The following ARHGAP15 variants were observed in gnomAD, a reference collection of about 807,000 sequenced individuals.
ARHGAP15 encodes rho GTPase-activating protein 15.
Under a neutral mutation model 63.7 loss-of-function variants are expected in ARHGAP15, and 51 were observed. The ratio of observed to expected loss-of-function variants is 0.80; its 90% confidence interval spans 0.64 to 1.01. The LOEUF is 1.01. ARHGAP15 is among the 50% of genes least tolerant of loss of function. The pLI is 0.00. For synonymous variants in ARHGAP15, 191 were observed against 193.8 expected (o/e 0.99, Z 0.12); for missense variants, 560 against 564.6 (o/e 0.99, Z 0.08).
intron 9 of ARHGAP15, among the ~76,000 whole-genome samples, chr2:143,505,127 A>C (rs1248523062): frequency 6.6e-6 from 1 of 152,226 alleles, no homozygotes; most frequent in African/African-American, 2.4e-5. Flanking sequence ...CATTTGCCAT[A>C]TCTCAGGAGT....
intron 2 of ARHGAP15, among the ~76,000 whole-genome samples, chr2:143,190,527 C>T (rs1039441426): frequency 1.3e-5 from 2 of 152,158 alleles, no homozygotes; most frequent in Non-Finnish European, 2.9e-5. Flanking sequence ...TTTGCAGTCT[C>T]ACACTCACCT....
chr2:143,721,207 CAGG>C (rs1685044305), intron 13 of ARHGAP15, among the ~76,000 whole-genome samples: 1 of 151,930 alleles, frequency 6.6e-6, no homozygotes, highest in Non-Finnish European at 1.5e-5. Context: ...AGACAAGAAA[CAGG>C]AGGAGGAAAG....
intron 13 of ARHGAP15, among the ~76,000 whole-genome samples, chr2:143,717,528 C>T (rs185242595): frequency 1.1e-3 from 166 of 152,318 alleles, no homozygotes; most frequent in African/African-American, 3.8e-3. Flanking sequence ...CCATTTACTC[C>T]TACATTAAAA....
intron 6 of ARHGAP15, among the ~76,000 whole-genome samples, chr2:143,393,423 C>T (rs1687620211): frequency 6.6e-6 from 1 of 151,968 alleles, no homozygotes; most frequent in South Asian, 2.1e-4. Context: ...TATGTTATTA[C>T]TTAATTGTTA....
chr2:143,628,754 C>T (rs538981507), intron 12 of ARHGAP15, among the ~76,000 whole-genome samples: 2 of 152,140 alleles, frequency 1.3e-5, no homozygotes, highest in Non-Finnish European at 2.9e-5. Flanking sequence ...TATGGGTAAC[C>T]AATTGTCTGC....
intron 9 of ARHGAP15, among the ~76,000 whole-genome samples, chr2:143,507,608 G>A (rs569780522): frequency 1.1e-3 from 174 of 152,280 alleles, no homozygotes; most frequent in African/African-American, 4.1e-3. Context: ...TCCATCTAGA[G>A]GTTGATGCTT....
chr2:143,304,590 AC>A (rs1432186164), intron 6 of ARHGAP15, among the ~76,000 whole-genome samples: 2 of 152,192 alleles, frequency 1.3e-5, no homozygotes, highest in African/African-American at 4.8e-5. Context: ...GTACCCTACA[AC>A]TTAAAGTATA....
chr2:143,618,439 G>A (rs961983443), intron 11 of ARHGAP15, among the ~76,000 whole-genome samples: 1 of 152,186 alleles, frequency 6.6e-6, no homozygotes, highest in Non-Finnish European at 1.5e-5. Flanking sequence ...TGGAAGCAGG[G>A]ACATCATCCT....
chr2:143,282,615 C>A (rs973143629), intron 6 of ARHGAP15, among the ~76,000 whole-genome samples: 5 of 143,066 alleles, frequency 3.5e-5, no homozygotes, highest in Non-Finnish European at 4.5e-5. Context: ...ATTGTGGGAG[C>A]TACAATTCAA....
chr2:143,523,216 T>C (rs1374339657), intron 10 of ARHGAP15, among the ~76,000 whole-genome samples: 5 of 152,044 alleles, frequency 3.3e-5, no homozygotes, highest in Non-Finnish European at 7.4e-5. Context: ...ACAGAGGAGA[T>C]AGACATTAAG....
At chr2:143,171,549 T>C (rs1236763183) in intron 2 of ARHGAP15, among the ~76,000 whole-genome samples, 2 of 152,104 alleles carry the variant, frequency 1.3e-5, no homozygotes, top group African/African-American at 4.8e-5. Flanking sequence ...ATTTTTTATG[T>C]ATACTAACTA....
intron 6 of ARHGAP15, among the ~76,000 whole-genome samples, chr2:143,285,697 A>AT (rs1319803267): frequency 1.3e-5 from 2 of 152,172 alleles, no homozygotes; most frequent in Non-Finnish European, 2.9e-5. Flanking sequence ...GTATCAGTTT[A>AT]TTGTACTTCA....
chr2:143,446,446 T>G (rs906793911), intron 8 of ARHGAP15, among the ~76,000 whole-genome samples: 3 of 152,204 alleles, frequency 2.0e-5, no homozygotes, highest in Admixed American at 6.5e-5. Flanking sequence ...TTTGAAGGCT[T>G]AATTTCTTAA....
chr2:143,333,890 A>G (rs1022925378), intron 6 of ARHGAP15, among the ~76,000 whole-genome samples: 3 of 152,216 alleles, frequency 2.0e-5, no homozygotes, highest in South Asian at 2.1e-4. Context: ...GCTATTCAAA[A>G]ATTGTTTCTT....
intron 12 of ARHGAP15, among the ~76,000 whole-genome samples, chr2:143,643,450 TATAGAGTG>T (rs1680713216): frequency 7.8e-6 from 1 of 127,680 alleles, no homozygotes; most frequent in East Asian, 2.8e-4. Context: ...AAAAAAAAGT[TATAGAGTG>T]TTACTGAAAG....
chr2:143,481,911 T>G (rs1355199432), intron 8 of ARHGAP15, among the ~76,000 whole-genome samples: 1 of 152,170 alleles, frequency 6.6e-6, no homozygotes, highest in Non-Finnish European at 1.5e-5. Context: ...CTCAACTGGT[T>G]AAGAATGGTA....
chr2:143,596,746 T>C (rs539841197), intron 11 of ARHGAP15, among the ~76,000 whole-genome samples: 1 of 152,212 alleles, frequency 6.6e-6, no homozygotes, highest in African/African-American at 2.4e-5. Context: ...TACAAATAAT[T>C]CATGTTGCGC....
chr2:143,663,980 A>G (rs1391786483), intron 12 of ARHGAP15, among the ~76,000 whole-genome samples: 1 of 151,902 alleles, frequency 6.6e-6, no homozygotes, highest in Non-Finnish European at 1.5e-5. Flanking sequence ...TTAACACCCC[A>G]CTGTCAACAT....
chr2:143,564,694 C>T (rs550192785), intron 11 of ARHGAP15, among the ~76,000 whole-genome samples: 1 of 152,098 alleles, frequency 6.6e-6, no homozygotes, highest in Non-Finnish European at 1.5e-5. Context: ...GAGGGGAAGT[C>T]TTCTCTTTGG....
Sources: gnomAD v4.1 joint callset for allele counts (sites outside exome capture counted in the v4.1 genomes callset) on GRCh38, gnomAD v4.1.1 for gene constraint, MANE v1.5 for transcripts, NCBI Gene and HGNC (gene_info 2026-07-23, HGNC 2026-07-21) for gene names.